Variants in HEATR1 observed in about 807,000 individuals in gnomAD.
The protein encoded by HEATR1 is HEAT repeat-containing protein 1.
A neutral mutation model predicts 248.2 loss-of-function variants in HEATR1; 77 were observed. That is an observed-to-expected ratio of 0.31 (90% confidence interval 0.26 to 0.37). HEATR1 has a LOEUF of 0.37. Among genes scored for constraint, HEATR1 ranks in the 10% least tolerant of loss-of-function variants. The pLI is 1.00. For missense variants in HEATR1, 2,420 were observed against 2,504.9 expected (o/e 0.97, Z 0.72); for synonymous variants, 897 against 923.1 (o/e 0.97, Z 0.51).
rs753185594 is a variant in HEATR1, at chr1:236,561,320, A to G, written c.4600-49T>C. 7.6e-6 allele frequency: 11 copies of G among 1,440,838 alleles called. No homozygotes were observed. The South Asian group carries it at 1.1e-4, about 14-fold the overall frequency. The allele number at this position is 1,440,838 out of a possible 1,614,324, so 89.3% of individuals were successfully genotyped here. ...TAGAACGGTAGGGAAGTCAATAATA[A>G]AAGTCATTTCAAGTCAGTTCAATGA... On this transcript the variant is annotated intron_variant, in intron 32 of 44. Transcript: ENST00000366582.
chr1:236,600,584 G>A (rs1664296432), intron 3 of HEATR1, among the ~76,000 whole-genome samples: 1 of 151,634 alleles, frequency 6.6e-6, no homozygotes, highest in Non-Finnish European at 1.5e-5. Flanking sequence ...AGGCTGGAGT[G>A]CAGTGGTGTG....
rs755887338 is a variant in HEATR1, at chr1:236,596,033, T to C, written c.756A>G (p.Ser252=). Residue 252 remains serine, a synonymous_variant, in exon 7 of 45, where the codon TCA becomes TCG. Coordinates refer to ENST00000366582, the MANE Select transcript of HEATR1 (RefSeq NM_018072.6). ...TTGCAGCTCTGTAATCTGGTAAAGA[T>C]GATTTCAATCCCTAAATATTTTTTA... ...LFPYIQKGLK[S]SLPDYRAATY... 1 of 1,603,080 alleles carries C rather than the reference T, an allele frequency of 6.2e-7. No individual in the cohort carries two copies. The highest frequency in any genetic ancestry group is 8.5e-7 in the Non-Finnish European group (1 of 1,170,902).
intron 28 of HEATR1, among the ~76,000 whole-genome samples, chr1:236,570,094 C>A (rs1375663791): frequency 6.6e-6 from 1 of 152,122 alleles, no homozygotes; most frequent in African/African-American, 2.4e-5. Flanking sequence ...CGAGACCATC[C>A]TGGCTAACAC....
At chr1:236,555,967 C>G in intron 38 of HEATR1, 28 bp from the exon 39 acceptor site, 1 of 1,611,956 alleles carries the variant, frequency 6.2e-7, no homozygotes. Context: ...AAGAGATGTG[C>G]CATTTTCAAA....
Position 236,594,127 on chromosome 1 carries a change from A to G in HEATR1, c.1091-13T>C. ...TCAGTTTCTTCTCCTTAATATGTAAAAATTAAAATTGTGTTGGGAAAAATT... is the reference window on the plus strand; with the variant it reads ...TCAGTTTCTTCTCCTTAATATGTAAGAATTAAAATTGTGTTGGGAAAAATT... On this transcript the variant is annotated splice_polypyrimidine_tract_variant and intron_variant, in intron 8 of 44. Coordinates refer to ENST00000366582, the MANE Select transcript of HEATR1 (RefSeq NM_018072.6). 6.6e-7 allele frequency: 1 copy of G among 1,505,404 alleles called. No homozygotes were observed. 93.3% of individuals were successfully genotyped at this position (1,505,404 alleles called of 1,614,324 possible). A position where few individuals can be genotyped will look rare whatever the true frequency, so the allele number is the denominator to read the frequency against.
At chr1:236,568,848 C>T (rs1378956478) in intron 29 of HEATR1, 148 bp downstream of exon 29, 1 of 387,682 alleles carries the variant, frequency 2.6e-6, no homozygotes, top group Non-Finnish European at 4.1e-6. Context: ...TGTACTTCAG[C>T]ATTTCAGAAA....
Position 236,555,315 on chromosome 1 carries a change from C to G in HEATR1, c.5904G>C (p.Gln1968His), listed in dbSNP as rs375302321. 2 of 1,614,126 alleles carry G rather than the reference C, an allele frequency of 1.2e-6. No homozygotes were observed. Among genetic ancestry groups the G allele is most frequent in the South Asian group, 1.1e-5 (1 of 91,066 alleles). ...ACCCACCTGTTTTGGAGATGTTCACCTGGTTCAAGGTGTCAGCAAAAGGCT... is the reference window on the plus strand; with the variant it reads ...ACCCACCTGTTTTGGAGATGTTCACGTGGTTCAAGGTGTCAGCAAAAGGCT... ...LVKPFADTLN[Q>H]VNISKTDEAF... Residue 1968 changes from glutamine to histidine, a missense_variant, in exon 41 of 45, where the codon CAG (glutamine) becomes CAC (histidine). By Grantham distance (24) the Gln-to-His change is conservative. Coordinates refer to ENST00000366582, the MANE Select transcript of HEATR1 (RefSeq NM_018072.6).
chr1:236,582,600 A>G (rs181825951), intron 19 of HEATR1, 136 bp downstream of exon 19: 215 of 812,266 alleles, frequency 2.6e-4, no homozygotes, highest in African/African-American at 2.0e-3. Flanking sequence ...ATGGAGTTTC[A>G]CTATGTTGGC....
At chr1:236,558,603 CTTGAGA>C in intron 35 of HEATR1, 74 bp from the exon 36 acceptor site, 1 of 1,427,848 alleles carries the variant, frequency 7.0e-7, no homozygotes, top group Non-Finnish European at 9.6e-7. Context: ...ATTGTCACAG[CTTGAGA>C]TTGTCTAAAT....
At position 236,576,326 on chromosome 1, in the gene HEATR1, G is replaced by A. The variant is rs1367472177; in HGVS notation, c.2977C>T (p.His993Tyr). 1 of 1,611,452 alleles carries A rather than the reference G, an allele frequency of 6.2e-7. No homozygotes were observed. Among genetic ancestry groups the A allele is most frequent in the Non-Finnish European group, 8.5e-7 (1 of 1,178,978 alleles). Residue 993 changes from histidine to tyrosine, a missense_variant, in exon 22 of 45, where the codon CAT (histidine) becomes TAT (tyrosine). His to Tyr is a moderately conservative substitution (Grantham distance 83). Coordinates refer to ENST00000366582, the MANE Select transcript of HEATR1 (RefSeq NM_018072.6). ...TTCAAAGTTTCAGACAACTTCTGATGAGATTTCAGTTTCTTTTCTCTCTGT... is the reference window on the plus strand; with the variant it reads ...TTCAAAGTTTCAGACAACTTCTGATAAGATTTCAGTTTCTTTTCTCTCTGT... ...ELQREKKLKS[H>Y]QKLSETLKNL...
At chr1:236,586,094 C>T in intron 15 of HEATR1, 147 bp downstream of exon 15, 2 of 1,244,424 alleles carry the variant, frequency 1.6e-6, no homozygotes, top group South Asian at 1.4e-5. Flanking sequence ...GAATTGGCTT[C>T]CTTTTCACTG....
At position 236,592,041 on chromosome 1, in the gene HEATR1, C is replaced by A; in HGVS notation, c.1374G>T (p.Glu458Asp). ...LKEIADLKKQ[E>D]LFHQFVSLST... ...AAAGAGAAACAAACTGATGGAAAAG[C>A]TCTTGTTTTTTCAGATCTGCAATTT... The change falls in exon 11 of 45, where the codon GAG becomes GAT. Residue 458 changes from glutamate (E) to aspartate (D), a missense_variant. Glu to Asp is a conservative substitution (Grantham distance 45). Coordinates refer to ENST00000366582, the MANE Select transcript of HEATR1 (RefSeq NM_018072.6). The A allele has an allele frequency of 1.9e-6, 3 of 1,608,874 alleles. No homozygotes were observed. Among genetic ancestry groups the A allele is most frequent in the Non-Finnish European group, 2.6e-6 (3 of 1,176,130 alleles).
At chr1:236,591,129 T>C (rs1035329122) in intron 11 of HEATR1, among the ~76,000 whole-genome samples, 175 bp from the exon 12 acceptor site, 1 of 94,116 alleles carries the variant, frequency 1.1e-5, no homozygotes. Context: ...ATCACATGAG[T>C]TGATGAAAAA....
chr1:236,556,121 C>T lies in HEATR1; in HGVS notation c.5493G>A (p.Lys1831=). Reference sequence around the variant, plus strand: ...TAACCTTCCAGTTCTTCTCAATCTGCTTGTAAGTTTTTTTGATGGCGGGCA... The same window carrying T: ...TAACCTTCCAGTTCTTCTCAATCTGTTTGTAAGTTTTTTTGATGGCGGGCA... ...VLLPAIKKTY[K]QIEKNWKNHM... The change falls in exon 38 of 45, where the codon AAG becomes AAA. Residue 1831 remains lysine, a synonymous_variant. Transcript: ENST00000366582. 4 of 1,614,136 alleles carry T rather than the reference C, an allele frequency of 2.5e-6. No individual in the cohort carries two copies. Among genetic ancestry groups the T allele is most frequent in the Non-Finnish European group, 3.4e-6 (4 of 1,180,028 alleles).
At position 236,582,923 on chromosome 1, in the gene HEATR1, G is replaced by A. The variant is rs1020754586; in HGVS notation, c.2426-51C>T. The A allele has an allele frequency of 3.1e-6, 5 of 1,607,742 alleles. No homozygotes were observed. In the African/African-American group the frequency reaches 6.7e-5, roughly 22 times the overall value. Reference sequence around the variant, plus strand: ...ATGCTAGATCCTACATGAACATGCTGGGAGCTTTTTATTCAAGACAGTCAT... The same window carrying A: ...ATGCTAGATCCTACATGAACATGCTAGGAGCTTTTTATTCAAGACAGTCAT... On this transcript the variant is annotated intron_variant, in intron 18 of 44. Transcript: ENST00000366582.
intron 20 of HEATR1, among the ~76,000 whole-genome samples, chr1:236,580,801 G>C (rs960340390): frequency 4.7e-5 from 7 of 148,994 alleles, no homozygotes; most frequent in African/African-American, 1.7e-4. Context: ...ATAGGTGTAA[G>C]CCACCTCGCC....
Position 236,555,922 on chromosome 1 carries a change from A to G in HEATR1, c.5532T>C (p.Phe1844=). The part of the protein sequence containing the change: ...EKNWKNHMGP[F]MSILQEHIGV... ...CAATATGCTCTTGCAAGATGCTCAT[A>G]AACGGACCCATGTGATTCTACCAAT... Residue 1844 remains phenylalanine, a synonymous_variant, in exon 39 of 45, where the codon TTT becomes TTC. Coordinates refer to ENST00000366582, the MANE Select transcript of HEATR1 (RefSeq NM_018072.6). The G allele has an allele frequency of 1.2e-6, 2 of 1,613,712 alleles. No individual in the cohort carries two copies. The highest frequency in any genetic ancestry group is 1.7e-6 in the Non-Finnish European group (2 of 1,179,526).
intron 42 of HEATR1, 48 bp downstream of exon 42, chr1:236,554,550 G>A (rs776847600): frequency 1.5e-5 from 24 of 1,578,630 alleles, no homozygotes; most frequent in African/African-American, 1.2e-4. Context: ...TGCCAAGCTC[G>A]AACAGTGATG....
At chr1:236,561,385 T>C in intron 32 of HEATR1, 114 bp from the exon 33 acceptor site, 1 of 771,746 alleles carries the variant, frequency 1.3e-6, no homozygotes, top group Non-Finnish European at 2.3e-6. Flanking sequence ...AGCAACTGTT[T>C]TCTGACATTA....
Sources: gnomAD v4.1 joint callset for allele counts (sites outside exome capture counted in the v4.1 genomes callset) on GRCh38, gnomAD v4.1.1 for gene constraint, MANE v1.5 for transcripts, NCBI Gene and HGNC (gene_info 2026-07-23, HGNC 2026-07-21) for gene names.